COA1: variants seen among roughly 807,000 people sequenced by gnomAD.
COA1 encodes the protein cytochrome c oxidase assembly factor 1 homolog.
Under a neutral mutation model 16.0 loss-of-function variants are expected in COA1, and 13 were observed. The observed-to-expected ratio is 0.81, with a 90% CI of 0.53 to 1.29. The LOEUF (loss-of-function observed/expected upper bound fraction) is 1.29. Ranked by LOEUF, COA1 falls within the 50% of genes most tolerant of loss-of-function variation. The pLI, the probability that COA1 is intolerant of heterozygous loss-of-function variation, is 0.00. For missense variants in COA1, 179 were observed against 177.0 expected, an observed-to-expected ratio of 1.01 and a Z score of -0.06; for synonymous variants, 65 against 65.7, an observed-to-expected ratio of 0.99 and a Z score of 0.05.
At chr7:43,693,781 T>A (rs1046196765) in intron 1 of COA1, among the ~76,000 whole-genome samples, 1 of 152,024 alleles carries the variant, frequency 6.6e-6, no homozygotes, top group African/African-American at 2.4e-5. Flanking sequence ...CCTGGATAAA[T>A]CCTACTCTCT....
At chr7:43,652,793 G>A (rs553607512) in intron 1 of COA1, among the ~76,000 whole-genome samples, 19 of 152,110 alleles carry the variant, frequency 1.2e-4, no homozygotes, top group African/African-American at 3.4e-4. Flanking sequence ...ATTGTTGAAT[G>A]GGCATGGCCC....
At position 43,689,880 on chromosome 7, in the gene COA1, A is replaced by C. The variant is rs145483994; in HGVS notation, c.-39+39549T>G. On this transcript the variant is annotated intron_variant, in intron 1 of 5. Transcript: ENST00000223336. Reference sequence around the variant, plus strand: ...ACATATAACCCTAGAGTAATCACTAAAAATAAAACAAAAGGCACAGCTTAT... The same window carrying C: ...ACATATAACCCTAGAGTAATCACTACAAATAAAACAAAAGGCACAGCTTAT... Among the ~76,000 whole-genome samples the C allele has an allele frequency of 3.0e-3, 458 of 152,308 alleles. 6 individuals carry two copies. The highest frequency in any genetic ancestry group is 0.01 in the African/African-American group (428 of 41,554).
At chr7:43,689,716 G>A (rs908764305) in intron 1 of COA1, among the ~76,000 whole-genome samples, 4 of 152,196 alleles carry the variant, frequency 2.6e-5, no homozygotes, top group Non-Finnish European at 4.4e-5. Context: ...ATAACACATA[G>A]TAATAAAATA....
chr7:43,665,072 T>C (rs1169735779), intron 1 of COA1, among the ~76,000 whole-genome samples: 1 of 152,114 alleles, frequency 6.6e-6, no homozygotes, highest in Non-Finnish European at 1.5e-5. Flanking sequence ...ATATGAAAAA[T>C]AGGAGAATTG....
chr7:43,656,036 G>C (rs2091657770), intron 1 of COA1: 1 of 152,204 alleles, frequency 6.6e-6, no homozygotes, highest in Admixed American at 6.5e-5. Flanking sequence ...TCCCTACCAA[G>C]GCACTAGCCA....
chr7:43,669,274 G>A (rs2093097812), intron 1 of COA1, among the ~76,000 whole-genome samples: 1 of 152,264 alleles, frequency 6.6e-6, no homozygotes, highest in African/African-American at 2.4e-5. Context: ...CCTTGGGGAA[G>A]TTTTCATTTC....
chr7:43,660,970 C>T (rs1030786291), intron 1 of COA1, among the ~76,000 whole-genome samples: 2 of 152,180 alleles, frequency 1.3e-5, no homozygotes, highest in Non-Finnish European at 2.9e-5. Context: ...TCCCAACCAC[C>T]CTCCTGAGTT....
downstream of COA1, among the ~76,000 whole-genome samples, chr7:43,635,770 T>G (rs2085764244): frequency 6.6e-6 from 1 of 152,182 alleles, no homozygotes; most frequent in Non-Finnish European, 1.5e-5. Context: ...GGGAGACAGG[T>G]CTATAGTTTC....
At chr7:43,699,332 C>A (rs887726565) in intron 1 of COA1, among the ~76,000 whole-genome samples, 3 of 152,078 alleles carry the variant, frequency 2.0e-5, no homozygotes, top group African/African-American at 7.2e-5. Flanking sequence ...TGGCTGTAAC[C>A]AAGGTAGTTA....
chr7:43,722,057 C>T (rs902079794), intron 1 of COA1, among the ~76,000 whole-genome samples: 9 of 151,240 alleles, frequency 6.0e-5, no homozygotes, highest in African/African-American at 2.2e-4. Flanking sequence ...AATCTATAAC[C>T]AAAAGTTAGG....
chr7:43,681,221 C>A (rs1330427097), intron 1 of COA1, among the ~76,000 whole-genome samples: 1 of 152,166 alleles, frequency 6.6e-6, no homozygotes, highest in African/African-American at 2.4e-5. Context: ...GCAGGATCAG[C>A]TCTGCTATGT....
chr7:43,701,176 G>A (rs1461066626), intron 1 of COA1, among the ~76,000 whole-genome samples: 1 of 123,310 alleles, frequency 8.1e-6, no homozygotes, highest in Non-Finnish European at 1.7e-5. Flanking sequence ...TGTCACTGGG[G>A]TTTGGTGAAC....
chr7:43,685,866 C>T (rs2093998276), intron 1 of COA1, among the ~76,000 whole-genome samples: 1 of 152,102 alleles, frequency 6.6e-6, no homozygotes. Flanking sequence ...CTGTAAACAC[C>T]TCAAAGTCAC....
chr7:43,626,418 C>G (rs1447670956), intron 6 of COA1: 2 of 152,226 alleles, frequency 1.3e-5, no homozygotes, highest in South Asian at 4.1e-4. Context: ...TGAAATTCAT[C>G]AGGCACTTCA....
chr7:43,640,674 G>A, intron 4 of COA1, 25 bp from the exon 5 acceptor site: 2 of 1,495,062 alleles, frequency 1.3e-6, no homozygotes, highest in Admixed American at 3.8e-5. Flanking sequence ...TGACAGAAAG[G>A]AGAGATGTAA....
chr7:43,644,745 GATA>G (rs1563228004), intron 4 of COA1, among the ~76,000 whole-genome samples: 2 of 99,574 alleles, frequency 2.0e-5, no homozygotes, highest in Admixed American at 1.1e-4. Flanking sequence ...TAGATAGATA[GATA>G]GATAGATAGA....
intron 6 of COA1, chr7:43,619,731 T>A (rs779478171): frequency 1.2e-6 from 2 of 1,612,726 alleles, no homozygotes; most frequent in African/African-American, 2.7e-5. Flanking sequence ...TGGGTAAGTA[T>A]TCATAAAAGT....
Position 43,701,391 on chromosome 7 carries a change from T to C in COA1, c.-39+28038A>G, listed in dbSNP as rs556649372. On this transcript the variant is annotated intron_variant, in intron 1 of 5. Coordinates refer to ENST00000223336, the MANE Select transcript of COA1 (RefSeq NM_018224.4). ...TTTGGTTTTCTATTCCTGTGTTAAT[T>C]TGCTTAGGATAATGGCCTCCAGCTG... Among the ~76,000 whole-genome samples the C allele has an allele frequency of 2.6e-5, 4 of 152,308 alleles. No homozygotes were observed. The East Asian group carries it at 7.7e-4, about 29-fold the overall frequency.
intron 1 of COA1, chr7:43,657,068 A>T (rs1444238112): frequency 1.3e-5 from 2 of 152,328 alleles, no homozygotes; most frequent in East Asian, 3.9e-4. Flanking sequence ...AAATTAAAAA[A>T]AACAGTCAAG....
Sources: allele counts gnomAD v4.1 joint callset (sites outside exome capture counted in the v4.1 genomes callset), GRCh38; gene constraint gnomAD v4.1.1; transcripts MANE v1.5; gene names NCBI Gene and HGNC (gene_info 2026-07-23, HGNC 2026-07-21).